The following TCF12 variants were observed in gnomAD, a reference collection of about 807,000 sequenced individuals.
The protein encoded by TCF12 is transcription factor 12.
In TCF12, 45 loss-of-function variants were observed where a neutral mutation model predicts 86.0. The observed-to-expected ratio is 0.52, with a 90% CI of 0.41 to 0.67. TCF12 has a LOEUF of 0.67. Among genes scored for constraint, TCF12 ranks in the 30% least tolerant of loss-of-function variants. The pLI is 0.00. For missense variants in TCF12, 881 were observed against 859.9 expected, an observed-to-expected ratio of 1.02 and a Z score of -0.31; for synonymous variants, 330 against 299.6, an observed-to-expected ratio of 1.10 and a Z score of -1.05.
At chr15:57,204,286 A>C (rs2057703933) in intron 8 of TCF12, among the ~76,000 whole-genome samples, 2 of 152,040 alleles carry the variant, frequency 1.3e-5, no homozygotes, top group African/African-American at 4.8e-5. Context: ...CACACACAAA[A>C]AAATATTTTA....
chr15:56,921,767 C>T (rs2059804283), intron 3 of TCF12, among the ~76,000 whole-genome samples: 1 of 151,864 alleles, frequency 6.6e-6, no homozygotes, highest in African/African-American at 2.4e-5. Flanking sequence ...CTTTTTATTT[C>T]CCCTGGTAAA....
chr15:57,129,658 T>G (rs1383132174), intron 5 of TCF12: 2 of 152,234 alleles, frequency 1.3e-5, no homozygotes, highest in African/African-American at 4.8e-5. Flanking sequence ...GAGATAGTGG[T>G]TCTGGCCTTG....
intron 3 of TCF12, among the ~76,000 whole-genome samples, chr15:57,015,281 T>G (rs2065089410): frequency 6.6e-6 from 1 of 152,146 alleles, no homozygotes; most frequent in Non-Finnish European, 1.5e-5. Context: ...GAGCCAGACC[T>G]TGTCTTAAGT....
At chr15:57,277,047 C>G (rs1404573789) in intron 19 of TCF12, among the ~76,000 whole-genome samples, 1 of 152,036 alleles carries the variant, frequency 6.6e-6, no homozygotes, top group Non-Finnish European at 1.5e-5. Context: ...CTCAGGTGAT[C>G]CGCCTACCTC....
chr15:57,119,975 C>T (rs1210577490), intron 5 of TCF12, among the ~76,000 whole-genome samples: 1 of 152,164 alleles, frequency 6.6e-6, no homozygotes, highest in Non-Finnish European at 1.5e-5. Flanking sequence ...GTCTTAGGTC[C>T]TACTACTATT....
intron 5 of TCF12, among the ~76,000 whole-genome samples, chr15:57,140,716 T>C (rs1157564671): frequency 3.9e-4 from 60 of 152,218 alleles, no homozygotes; most frequent in Non-Finnish European, 8.8e-5. Flanking sequence ...CTATGAGATA[T>C]AAACAAAATT....
intron 3 of TCF12, among the ~76,000 whole-genome samples, chr15:57,031,513 A>G (rs1376712690): frequency 6.6e-6 from 1 of 152,188 alleles, no homozygotes; most frequent in African/African-American, 2.4e-5. Flanking sequence ...AGCTTCTTTT[A>G]CTTATTTAAA....
chr15:57,041,740 C>G (rs943416436), intron 3 of TCF12, among the ~76,000 whole-genome samples: 2 of 151,882 alleles, frequency 1.3e-5, no homozygotes, highest in Admixed American at 6.6e-5. Flanking sequence ...TATACAAAAG[C>G]AAAAATAATT....
intron 4 of TCF12, among the ~76,000 whole-genome samples, chr15:57,086,817 A>C (rs940154599): frequency 1.3e-5 from 2 of 152,114 alleles, no homozygotes; most frequent in Non-Finnish European, 2.9e-5. Context: ...AGAAATAACA[A>C]CATAGGTTTG....
At chr15:57,219,404 A>C (rs753305808) in intron 8 of TCF12, 261 of 1,365,750 alleles carry the variant, frequency 1.9e-4, no homozygotes, top group Non-Finnish European at 2.4e-4. Context: ...GTTCCTTTTG[A>C]GTAGATCCAT....
At chr15:56,985,870 C>T (rs542401070) in intron 3 of TCF12, among the ~76,000 whole-genome samples, 11 of 152,108 alleles carry the variant, frequency 7.2e-5, no homozygotes, top group South Asian at 4.1e-4. Flanking sequence ...AGAAGTTATA[C>T]GTAGTAAAAC....
At chr15:57,203,177 G>A (rs938289762) in intron 8 of TCF12, among the ~76,000 whole-genome samples, 1 of 152,152 alleles carries the variant, frequency 6.6e-6, no homozygotes, top group Admixed American at 6.5e-5. Flanking sequence ...ACAAAAGGAA[G>A]GAAAACTTGT....
At chr15:57,092,086 A>C in intron 5 of TCF12, 195 bp downstream of exon 5, 1 of 437,656 alleles carries the variant, frequency 2.3e-6, no homozygotes, top group Non-Finnish European at 4.1e-6. Flanking sequence ...CTCTTAAAGC[A>C]TTATTGTTTT....
chr15:57,170,641 T>A (rs1597023881), intron 6 of TCF12, among the ~76,000 whole-genome samples: 1 of 49,294 alleles, frequency 2.0e-5, no homozygotes, highest in Non-Finnish European at 2.9e-5. Flanking sequence ...TATATATATA[T>A]AATATATATA....
At chr15:57,225,536 C>T (rs1275173336) in intron 8 of TCF12, among the ~76,000 whole-genome samples, 2 of 151,962 alleles carry the variant, frequency 1.3e-5, no homozygotes, top group African/African-American at 2.4e-5. Flanking sequence ...TGAGCCACTG[C>T]GCCCAGCCAA....
At position 57,166,461 on chromosome 15, in the gene TCF12, T is replaced by C; in HGVS notation, c.385T>C (p.Cys129Arg). 2 of 1,612,318 alleles carry C rather than the reference T, an allele frequency of 1.2e-6. No individual in the cohort carries two copies. The highest frequency in any genetic ancestry group is 1.7e-6 in the Non-Finnish European group (2 of 1,179,332). Residue 129 changes from cysteine (C) to arginine (R), a missense_variant, in exon 6 of 21, where the codon TGT (cysteine) becomes CGT (arginine). Around this residue, in one of 3 missense-constraint regions of TCF12, gnomAD observed 766 missense variants for 718.9 expected, o/e 1.07. Transcript: ENST00000333725. ...CAGCAGAGATACTGGATTACCAGGC[T>C]GTCAAGTAAGTTTAATGATTAAAAA... ...LYSRDTGLPG[C>R]QSSLLRQDLG...
rs1354387180 is a variant in TCF12, at chr15:56,924,473, A to C, written c.148+3375A>C. Among the ~76,000 whole-genome samples the C allele has an allele frequency of 2.0e-5, 3 of 152,248 alleles. No homozygotes were observed. The East Asian group carries it at 5.8e-4, about 29-fold the overall frequency. On this transcript the variant is annotated intron_variant, in intron 3 of 20. Coordinates refer to ENST00000333725, the MANE Select transcript of TCF12 (RefSeq NM_207037.2). Reference sequence around the variant, plus strand: ...GAGAAAACCAAAATTGTACCACTGTAGGTTTTTACTGAACTGTGATAGAAA... The same window carrying C: ...GAGAAAACCAAAATTGTACCACTGTCGGTTTTTACTGAACTGTGATAGAAA...
intron 3 of TCF12, among the ~76,000 whole-genome samples, chr15:56,996,105 T>G (rs764747641): frequency 1.1e-4 from 17 of 152,212 alleles, no homozygotes; most frequent in Non-Finnish European, 2.2e-4. Flanking sequence ...TTGTGTATGT[T>G]GAACCAGCCT....
At chr15:57,166,015 T>A (rs1027066374) in intron 5 of TCF12, among the ~76,000 whole-genome samples, 1 of 151,964 alleles carries the variant, frequency 6.6e-6, no homozygotes, top group Non-Finnish European at 1.5e-5. Flanking sequence ...TACATGCTAC[T>A]TTATATAGCT....
Sources: allele counts gnomAD v4.1 joint callset (sites outside exome capture counted in the v4.1 genomes callset), GRCh38; gene constraint gnomAD v4.1.1; regional missense constraint gnomAD v4.1.1; transcripts MANE v1.5; gene names NCBI Gene and HGNC (gene_info 2026-07-23, HGNC 2026-07-21).